ZNF606: variants seen among roughly 807,000 people sequenced by gnomAD.
ZNF606 encodes zinc finger protein 606.
Under a neutral mutation model 74.9 loss-of-function variants are expected in ZNF606, and 37 were observed. That is an observed-to-expected ratio of 0.49 (90% CI 0.38 to 0.65). ZNF606 has a LOEUF of 0.65. Among genes scored for constraint, ZNF606 ranks in the 30% least tolerant of loss-of-function variants. The pLI is 0.00. For missense variants in ZNF606, 852 were observed against 952.9 expected, an observed-to-expected ratio of 0.89 and a Z score of 1.39; for synonymous variants, 328 against 312.4, an observed-to-expected ratio of 1.05 and a Z score of -0.53.
rs1415275109 is a variant in ZNF606 at position 58,002,497 on chromosome 19, G to A, written c.-153C>T. ...TGTCCCGCGCCGAGGTCCGGCCCAG[G>A]AGTGCGCTTGGGAGCTCCCGGCGCG... is the stretch of plus-strand genomic sequence containing the variant. On this transcript the variant is annotated 5_prime_UTR_variant, in exon 1 of 7. Coordinates refer to ENST00000551380, the MANE Select transcript of ZNF606 (RefSeq NM_001348022.3). 1 of 451,202 alleles carries A rather than the reference G, an allele frequency of 2.2e-6. No homozygotes were observed. Among genetic ancestry groups the A allele is most frequent in the East Asian group, 7.0e-5 (1 of 14,298 alleles). The allele number at this position is 451,202 out of a possible 1,614,324, so 27.9% of individuals were successfully genotyped here. A position where few individuals can be genotyped will look rare whatever the true frequency, so the allele number is the denominator to read the frequency against.
intron 2 of ZNF606, 117 bp from the exon 3 acceptor site, chr19:58,000,856 A>G (rs1460928127): frequency 4.1e-6 from 4 of 969,710 alleles, no homozygotes; most frequent in African/African-American, 3.3e-5. Flanking sequence ...ACAGAGCCCA[A>G]GGGTGTGTAA....
chr19:57,978,669 G>T lies in ZNF606; in HGVS notation c.2011C>A (p.Arg671=). The T allele has an allele frequency of 6.2e-7, 1 of 1,614,056 alleles. No homozygotes were observed. The highest frequency in any genetic ancestry group is 8.5e-7 in the Non-Finnish European group (1 of 1,180,020). The change falls in exon 7 of 7, where the codon CGG becomes AGG. Residue 671 remains arginine, a synonymous_variant. Transcript: ENST00000551380. This position sits in a 1 kb window ranked among gnomAD's most constrained non-coding sequence, Gnocchi z 4.4. ...FSQSCHLVAH[R]RIHTGEKPYK... is the part of the protein sequence containing the mutation. ...GGTTTCTCACCAGTGTGAATTCTCC[G>T]ATGAGCAACAAGGTGACAGCTCTGA...
chr19:57,978,250 T>G lies in ZNF606; in HGVS notation c.*51A>C. On this transcript the variant is annotated 3_prime_UTR_variant, in exon 7 of 7. Transcript: ENST00000551380. The surrounding 1 kb of genome is among the most constrained non-coding windows in gnomAD (Gnocchi z 4.4). ...TCCCCTCTTGATTATGTTTATAGGG[T>G]TTTCCTCAATGTGTTGTCAAATGTA... 6.7e-7 allele frequency: 1 copy of G among 1,500,968 alleles called. No individual in the cohort carries two copies. The highest frequency in any genetic ancestry group is 8.9e-7 in the Non-Finnish European group (1 of 1,123,316). The allele number at this position is 1,500,968 out of a possible 1,614,324, so 93.0% of individuals were successfully genotyped here.
At position 57,988,318 on chromosome 19, in the gene ZNF606, A is replaced by G. The variant is rs1030722272; in HGVS notation, c.305-16T>C. Reference sequence around the variant, plus strand: ...ATCTGATTTCCTATGCATGGAGGAAAAGCATGGAAATCATGTCATGAGGCT... The same window carrying G: ...ATCTGATTTCCTATGCATGGAGGAAGAGCATGGAAATCATGTCATGAGGCT... On this transcript the variant is annotated splice_polypyrimidine_tract_variant and intron_variant, in intron 5 of 6. Coordinates refer to ENST00000551380, the MANE Select transcript of ZNF606 (RefSeq NM_001348022.3). The G allele has an allele frequency of 6.8e-6, 11 of 1,609,438 alleles. No individual in the cohort carries two copies. The highest frequency in any genetic ancestry group is 9.3e-6 in the Non-Finnish European group (11 of 1,177,096).
intron 6 of ZNF606, among the ~76,000 whole-genome samples, chr19:57,985,044 G>A (rs2073144390): frequency 6.6e-6 from 1 of 152,142 alleles, no homozygotes; most frequent in South Asian, 2.1e-4. Context: ...GCAGTGAGCT[G>A]AGATCATGCC....
intron 4 of ZNF606, among the ~76,000 whole-genome samples, chr19:57,996,120 G>A (rs1023420009): frequency 5.9e-5 from 9 of 152,132 alleles, no homozygotes; most frequent in Non-Finnish European, 4.4e-5. Flanking sequence ...AAGCCCCATG[G>A]GCTAAAAAAC....
intron 4 of ZNF606, among the ~76,000 whole-genome samples, chr19:57,996,200 C>T (rs918756948): frequency 2.6e-5 from 4 of 152,200 alleles, no homozygotes; most frequent in Admixed American, 2.0e-4. Flanking sequence ...ATGGAGGCCT[C>T]ACCTCAAGGA....
At chr19:58,000,388 A>AT in intron 3 of ZNF606, 3 of 546,410 alleles carry the variant, frequency 5.5e-6, no homozygotes, top group Non-Finnish European at 9.7e-6. Context: ...CGCCCAGCTA[A>AT]TTTTTTGTAT....
At chr19:57,984,566 T>C (rs1358776824) in intron 6 of ZNF606, among the ~76,000 whole-genome samples, 1 of 152,148 alleles carries the variant, frequency 6.6e-6, no homozygotes, top group Admixed American at 6.5e-5. Flanking sequence ...ATAAAGACAA[T>C]GTGTATAATC....
At chr19:57,980,451 A>T (rs1288829563) in intron 6 of ZNF606, among the ~76,000 whole-genome samples, 172 bp from the exon 7 acceptor site, 3 of 152,258 alleles carry the variant, frequency 2.0e-5, no homozygotes, top group Non-Finnish European at 2.9e-5. Flanking sequence ...GTGAAAAGTA[A>T]ACAACAGTTA....
chr19:57,980,587 G>A (rs369905073), intron 6 of ZNF606, among the ~76,000 whole-genome samples: 2 of 152,290 alleles, frequency 1.3e-5, no homozygotes, highest in East Asian at 3.9e-4. Flanking sequence ...TGTAATCCCA[G>A]CACTTTGGGA....
At position 57,978,971 on chromosome 19, in the gene ZNF606, C is replaced by T. The variant is rs1343032683; in HGVS notation, c.1709G>A (p.Cys570Tyr). 6.2e-7 allele frequency: 1 copy of T among 1,614,158 alleles called. No individual in the cohort carries two copies. Among genetic ancestry groups the T allele is most frequent in the Non-Finnish European group, 8.5e-7 (1 of 1,180,036 alleles). Reference protein sequence around the residue: ...RTHSGAKPYKCTECGKSFSWS... With the variant: ...RTHSGAKPYKYTECGKSFSWS... ...GCTGAAGGATTTTCCACATTCAGTA[C>T]ATTTATATGGTTTTGCTCCAGAATG... The change falls in exon 7 of 7, where the codon TGT becomes TAT. Residue 570 changes from cysteine to tyrosine, a missense_variant. Cys to Tyr is a radical substitution (Grantham distance 194). Transcript: ENST00000551380. This position sits in a 1 kb window ranked among gnomAD's most constrained non-coding sequence, Gnocchi z 4.4.
At chr19:57,986,696 C>A (rs1600219031) in intron 6 of ZNF606, among the ~76,000 whole-genome samples, 1 of 151,990 alleles carries the variant, frequency 6.6e-6, no homozygotes, top group South Asian at 2.1e-4. Context: ...GACAAAACAG[C>A]ATAAAAGGAG....
intron 6 of ZNF606, 65 bp from the exon 7 acceptor site, chr19:57,980,344 T>A: frequency 6.8e-7 from 1 of 1,468,046 alleles, no homozygotes. Context: ...GTGGGAATGG[T>A]GAGATTTACT....
intron 6 of ZNF606, among the ~76,000 whole-genome samples, chr19:57,983,157 T>TCA: frequency 6.6e-6 from 1 of 152,332 alleles, no homozygotes; most frequent in Middle Eastern, 3.4e-3. Context: ...AACTTTATAC[T>TCA]CACTCAGTAC....
intron 4 of ZNF606, among the ~76,000 whole-genome samples, chr19:57,990,749 C>A (rs895592368): frequency 3.3e-5 from 5 of 151,978 alleles, no homozygotes; most frequent in Admixed American, 3.3e-4. Flanking sequence ...CTGGGCCAGA[C>A]CTCCCTGCTG....
chr19:57,978,688 G>A lies in ZNF606; in HGVS notation c.1992C>T (p.Ser664=). 6.2e-7 allele frequency: 1 copy of A among 1,614,116 alleles called. No individual in the cohort carries two copies. ...TTCTCCGATGAGCAACAAGGTGACA[G>A]CTCTGACTGAAGGATTTTCCACATT... ...CNKCGKSFSQ[S]CHLVAHRRIH... The change falls in exon 7 of 7, where the codon AGC becomes AGT. Residue 664 remains serine, a synonymous_variant. Transcript: ENST00000551380. This position sits in a 1 kb window ranked among gnomAD's most constrained non-coding sequence, Gnocchi z 4.4.
chr19:57,986,000 C>T (rs1370775298), intron 6 of ZNF606, among the ~76,000 whole-genome samples: 2 of 151,866 alleles, frequency 1.3e-5, no homozygotes. Flanking sequence ...AGAAGAAATT[C>T]ATCACGTACA....
chr19:57,981,614 G>A (rs1307330099), intron 6 of ZNF606, among the ~76,000 whole-genome samples: 2 of 152,172 alleles, frequency 1.3e-5, no homozygotes, highest in African/African-American at 2.4e-5. Flanking sequence ...GAGGAGAGGG[G>A]TGTTTAGAGA....
Sources: allele counts gnomAD v4.1 joint callset (sites outside exome capture counted in the v4.1 genomes callset), GRCh38; gene constraint gnomAD v4.1.1; non-coding constraint Gnocchi (gnomAD v3.1); transcripts MANE v1.5; gene names NCBI Gene and HGNC (gene_info 2026-07-23, HGNC 2026-07-21).